POLR2H: variants seen among roughly 807,000 people sequenced by gnomAD.
POLR2H encodes the protein DNA-directed RNA polymerases I, II, and III subunit RPABC3.
POLR2H carries 3 observed loss-of-function variants against 18.1 expected under a neutral mutation model. That is an observed-to-expected ratio of 0.17 (90% CI 0.08 to 0.43). The LOEUF is 0.43. Among genes scored for constraint, POLR2H ranks in the 20% least tolerant of loss-of-function variants. The pLI, the probability that POLR2H is intolerant of heterozygous loss-of-function variation, is 0.99. For missense variants in POLR2H, 103 were observed against 184.6 expected, an observed-to-expected ratio of 0.56 and a Z score of 2.56; for synonymous variants, 76 against 69.0, an observed-to-expected ratio of 1.10 and a Z score of -0.50.
rs567119001 is a variant in POLR2H at position 184,366,338 on chromosome 3, A to ATTT, written c.252-364_252-362dup. ...TGCTGGCATTTAGTTACCAGTAACC[A>ATTT]TTTTTTTTTTTTTTTTTGAGACGGA... On this transcript the variant is annotated intron_variant, in intron 4 of 5. Coordinates refer to ENST00000456318, the MANE Select transcript of POLR2H (RefSeq NM_006232.5). 4.0e-3 allele frequency among the ~76,000 whole-genome samples: 536 copies of ATTT among 135,138 alleles called. 11 individuals carry two copies. The highest frequency in any genetic ancestry group is 0.012 in the African/African-American group (437 of 35,682). 88.7% of individuals were successfully genotyped at this position (135,138 alleles called of 152,430 possible). A position where few individuals can be genotyped will look rare whatever the true frequency, so the allele number is the denominator to read the frequency against.
rs758741075 is a variant in POLR2H, at chr3:184,363,579, G to A, written c.73+14G>A. On this transcript the variant is annotated intron_variant, in intron 2 of 5. Coordinates refer to ENST00000456318, the MANE Select transcript of POLR2H (RefSeq NM_006232.5). The stretch of plus-strand genomic sequence containing the variant: ...AGTTTGACCGAGGTAAGTAAGGTAT[G>A]TAGGGGCGGTTTGGAGGAAGAGGCT... 3 of 1,610,048 alleles carry A rather than the reference G, an allele frequency of 1.9e-6. No individual in the cohort carries two copies. The African/African-American group carries it at 4.0e-5, about 22-fold the overall frequency.
At chr3:184,365,695 C>T (rs1250158024) in intron 4 of POLR2H, among the ~76,000 whole-genome samples, 18 of 150,390 alleles carry the variant, frequency 1.2e-4, no homozygotes, top group Admixed American at 2.0e-4. Flanking sequence ...AAATTCGGGC[C>T]GGGCGCGGTG....
chr3:184,365,962 C>T (rs1216227978), intron 4 of POLR2H, among the ~76,000 whole-genome samples: 3 of 139,546 alleles, frequency 2.1e-5, no homozygotes, highest in Non-Finnish European at 3.0e-5. Flanking sequence ...GGCGACAGAG[C>T]GAGACTCCGT....
chr3:184,364,513 C>G (rs1024380631), intron 2 of POLR2H: 4 of 156,166 alleles, frequency 2.6e-5, no homozygotes, highest in African/African-American at 9.6e-5. Context: ...CAGGCATGAG[C>G]CACTGCACCG....
chr3:184,367,632 A>G (rs1227519763), intron 5 of POLR2H, among the ~76,000 whole-genome samples: 19 of 151,320 alleles, frequency 1.3e-4, no homozygotes, highest in Admixed American at 7.9e-4. Flanking sequence ...GACTACAGGC[A>G]CCCACCACCA....
At chr3:184,364,599 GT>G (rs2108597441) in intron 2 of POLR2H, 1 of 214,250 alleles carries the variant, frequency 4.7e-6, no homozygotes, top group South Asian at 1.4e-4. Flanking sequence ...AGACTAAGAT[GT>G]TTTTCAAGAC....
intron 2 of POLR2H, 76 bp downstream of exon 2, chr3:184,363,641 C>A: frequency 8.5e-7 from 1 of 1,177,866 alleles, no homozygotes; most frequent in Non-Finnish European, 1.3e-6. Flanking sequence ...CGTGTCCACC[C>A]AGCTCTTGTG....
Position 184,362,449 on chromosome 3 carries a change from G to A in POLR2H, c.-621+303G>A, listed in dbSNP as rs913578068. ...TGGGCAGCGTAGAGATAGTGTGAGA[G>A]GAGCGAGGGCAGCGCCCAGGAAACG... is the stretch of plus-strand genomic sequence containing the variant. On this transcript the variant is annotated intron_variant, in intron 1 of 5. Transcript: ENST00000456318. The surrounding 1 kb of genome is among the most constrained non-coding windows in gnomAD (Gnocchi z 5.9). 4.8e-4 allele frequency: 74 copies of A among 152,684 alleles called. 1 individual carries two copies. The highest frequency in any genetic ancestry group is 4.5e-4 in the Non-Finnish European group (31 of 68,456). 9.5% of individuals were successfully genotyped at this position (152,684 alleles called of 1,614,324 possible). A position where few individuals can be genotyped will look rare whatever the true frequency, so the allele number is the denominator to read the frequency against.
intron 5 of POLR2H, among the ~76,000 whole-genome samples, chr3:184,367,178 CTG>C: frequency 6.6e-6 from 1 of 151,216 alleles, no homozygotes; most frequent in East Asian, 1.9e-4. Flanking sequence ...TGTGGCTACT[CTG>C]TAACCCAATC....
chr3:184,366,750 A>C lies in POLR2H; in HGVS notation c.285A>C (p.Lys95Asn). 1 of 1,607,906 alleles carries C rather than the reference A, an allele frequency of 6.2e-7. No individual in the cohort carries two copies. The highest frequency in any genetic ancestry group is 1.7e-5 in the Admixed American group (1 of 60,012). The change falls in exon 5 of 6, where the codon AAA (lysine) becomes AAC (asparagine). Residue 95 changes from lysine (K) to asparagine (N), a missense_variant. Coordinates refer to ENST00000456318, the MANE Select transcript of POLR2H (RefSeq NM_006232.5). ...AGTTTGAGTATGTAATGTATGGAAA[A>C]GTGTACAGGATTGAGGGAGATGAAA... ...ADQFEYVMYG[K>N]VYRIEGDETS... is the part of the protein sequence containing the mutation.
At chr3:184,364,376 G>GCC in intron 2 of POLR2H, 1 of 152,256 alleles carries the variant, frequency 6.6e-6, no homozygotes, top group Non-Finnish European at 1.5e-5. Flanking sequence ...TTACAGGCAT[G>GCC]CGCCACCACG....
Position 184,368,184 on chromosome 3 carries a change from T to A in POLR2H, c.343T>A (p.Tyr115Asn). ...STEAATRLSAYVSYGGLLMRL... is the reference protein window; with the variant it reads ...STEAATRLSANVSYGGLLMRL... ...TGGGGCCTTCTGTTTCAGCTCTGCGTACGTGTCCTATGGGGGCCTGCTCAT... is the reference window on the plus strand; with the variant it reads ...TGGGGCCTTCTGTTTCAGCTCTGCGAACGTGTCCTATGGGGGCCTGCTCAT... Residue 115 changes from tyrosine (Y) to asparagine (N), a missense_variant, in exon 6 of 6, where the codon TAC becomes AAC. Coordinates refer to ENST00000456318, the MANE Select transcript of POLR2H (RefSeq NM_006232.5). The A allele has an allele frequency of 6.2e-7, 1 of 1,614,144 alleles. No individual in the cohort carries two copies. The highest frequency in any genetic ancestry group is 8.5e-7 in the Non-Finnish European group (1 of 1,179,994).
Sources: allele counts gnomAD v4.1 joint callset (sites outside exome capture counted in the v4.1 genomes callset), GRCh38; gene constraint gnomAD v4.1.1; non-coding constraint Gnocchi (gnomAD v3.1); transcripts MANE v1.5; gene names NCBI Gene and HGNC (gene_info 2026-07-23, HGNC 2026-07-21).